Variants in EDN3 observed in about 807,000 individuals in gnomAD.
The protein encoded by EDN3 is endothelin 3.
EDN3 carries 9 observed loss-of-function variants against 21.4 expected under a neutral mutation model. The observed-to-expected ratio is 0.42, with a 90% CI of 0.25 to 0.73. The LOEUF (loss-of-function observed/expected upper bound fraction) is 0.73. EDN3 is among the 30% of genes least tolerant of loss of function. The pLI is 0.26. For synonymous variants in EDN3, 133 were observed against 126.2 expected (o/e 1.05, Z -0.36); for missense variants, 327 against 309.4 (o/e 1.06, Z -0.43).
chr20:59,314,322 G>A (rs1990037410), intron 2 of EDN3, among the ~76,000 whole-genome samples: 2 of 152,200 alleles, frequency 1.3e-5, no homozygotes, highest in Non-Finnish European at 2.9e-5. Flanking sequence ...CCAAGAGTCT[G>A]TGGTTGCCAT....
intron 4 of EDN3, chr20:59,323,646 G>C: frequency 2.5e-6 from 1 of 400,102 alleles, no homozygotes; most frequent in Non-Finnish European, 4.4e-6. Flanking sequence ...GGGTTGACGT[G>C]GCCTCATCTT....
rs1242197432 is a variant in EDN3 at position 59,301,636 on chromosome 20, A to G, written c.279A>G (p.Arg93=). ...CCGAGGGGGCCCCTGAGCACCACCG[A>G]TCCAGGCGCTGCACGTGCTTCACCT... ...QAAEGAPEHH[R]SRRCTCFTYK... The change falls in exon 2 of 5, where the codon CGA becomes CGG. Residue 93 remains arginine, a synonymous_variant. Coordinates refer to ENST00000337938, the MANE Select transcript of EDN3 (RefSeq NM_207034.3). 4 of 1,614,032 alleles carry G rather than the reference A, an allele frequency of 2.5e-6. No homozygotes were observed. The highest frequency in any genetic ancestry group is 3.4e-6 in the Non-Finnish European group (4 of 1,180,008).
intron 2 of EDN3, among the ~76,000 whole-genome samples, chr20:59,317,002 A>G (rs1015709411): frequency 1.3e-5 from 2 of 152,198 alleles, no homozygotes; most frequent in Non-Finnish European, 2.9e-5. Flanking sequence ...TGTATAAAGG[A>G]TTGTATTCTG....
intron 2 of EDN3, 82 bp from the exon 3 acceptor site, chr20:59,320,935 G>A (rs2146878883): frequency 1.4e-6 from 2 of 1,477,700 alleles, no homozygotes; most frequent in South Asian, 2.3e-5. Context: ...CAGCCAGGCG[G>A]TGGTTCTCGC....
intron 2 of EDN3, among the ~76,000 whole-genome samples, chr20:59,307,976 T>G (rs924481357): frequency 6.6e-6 from 1 of 152,200 alleles, no homozygotes; most frequent in Admixed American, 6.5e-5. Flanking sequence ...TTTGCAAGAT[T>G]ATTTTTATTA....
intron 2 of EDN3, among the ~76,000 whole-genome samples, chr20:59,314,144 T>C (rs1317980153): frequency 6.6e-6 from 1 of 152,162 alleles, no homozygotes; most frequent in Non-Finnish European, 1.5e-5. Context: ...CTTCCACCTG[T>C]GGAGGACAGA....
At chr20:59,310,574 C>G (rs1001757815) in intron 2 of EDN3, among the ~76,000 whole-genome samples, 1 of 152,068 alleles carries the variant, frequency 6.6e-6, no homozygotes. Flanking sequence ...TTTGGGAGAC[C>G]TTGGGGACAT....
At chr20:59,315,774 A>G (rs1990132906) in intron 2 of EDN3, among the ~76,000 whole-genome samples, 1 of 152,118 alleles carries the variant, frequency 6.6e-6, no homozygotes, top group Non-Finnish European at 1.5e-5. Flanking sequence ...GGCAGAATGG[A>G]GGGTTTACGC....
rs1438855224 is a variant in EDN3 at position 59,301,396 on chromosome 20, TCTGC to T, written c.53-11_53-8del. 2 of 1,606,468 alleles carry T rather than the reference TCTGC, an allele frequency of 1.2e-6. No homozygotes were observed. Among genetic ancestry groups the T allele is most frequent in the Non-Finnish European group, 1.7e-6 (2 of 1,179,962 alleles). ...CACACTCAGCTTAGGAGCCCCTCAA[TCTGC>T]CTTCTGCAGGATTCGTGCCTTGCTC... On this transcript the variant is annotated splice_polypyrimidine_tract_variant and intron_variant, in intron 1 of 4. Coordinates refer to ENST00000337938, the MANE Select transcript of EDN3 (RefSeq NM_207034.3).
At chr20:59,324,282 C>T in intron 4 of EDN3, 49 bp from the exon 5 acceptor site, 1 of 1,613,178 alleles carries the variant, frequency 6.2e-7, no homozygotes, top group East Asian at 2.2e-5. Context: ...GCTACACTTT[C>T]ATAACATACC....
chr20:59,316,301 T>C (rs2146861319), intron 2 of EDN3, among the ~76,000 whole-genome samples: 1 of 152,378 alleles, frequency 6.6e-6, no homozygotes, highest in Admixed American at 6.5e-5. Context: ...CCGCCCCTTG[T>C]CTGTCTTTAC....
At position 59,312,169 on chromosome 20, in the gene EDN3, G is replaced by T. The variant is rs907701458; in HGVS notation, c.366-8848G>T. 2.7e-4 allele frequency among the ~76,000 whole-genome samples: 41 copies of T among 152,188 alleles called. 1 individual carries two copies. The highest frequency in any genetic ancestry group is 9.9e-4 in the African/African-American group (41 of 41,522). On this transcript the variant is annotated intron_variant, in intron 2 of 4. Coordinates refer to ENST00000337938, the MANE Select transcript of EDN3 (RefSeq NM_207034.3). ...CAGCTTTGCATAAAGTTATAATGAG[G>T]CTGGGCCAGGCAGCCATGGATTTCT...
intron 2 of EDN3, among the ~76,000 whole-genome samples, chr20:59,320,392 C>T (rs7351298): frequency 2.0e-4 from 30 of 152,232 alleles, no homozygotes; most frequent in Admixed American, 1.8e-3. Context: ...CCTCAGGCTG[C>T]GGGGTAGGCA....
At chr20:59,306,078 C>G (rs1174412125) in intron 2 of EDN3, among the ~76,000 whole-genome samples, 1 of 152,104 alleles carries the variant, frequency 6.6e-6, no homozygotes, top group Non-Finnish European at 1.5e-5. Context: ...GCAAAGAGCC[C>G]CACTGTGCTC....
intron 2 of EDN3, among the ~76,000 whole-genome samples, chr20:59,310,728 A>C (rs1318447547): frequency 3.9e-5 from 6 of 152,180 alleles, no homozygotes; most frequent in Non-Finnish European, 7.3e-5. Context: ...AACCAGAAAC[A>C]GCTTCATTTC....
Position 59,300,652 on chromosome 20 carries a change from G to C in EDN3, c.-161G>C. 1.5e-6 allele frequency: 1 copy of C among 680,468 alleles called. No individual in the cohort carries two copies. Among genetic ancestry groups the C allele is most frequent in the East Asian group, 2.8e-5 (1 of 36,210 alleles). The allele number at this position is 680,468 out of a possible 1,614,324, so 42.2% of individuals were successfully genotyped here. On this transcript the variant is annotated 5_prime_UTR_variant, in exon 1 of 5. Transcript: ENST00000337938. ...CGCGCTCTGAAAGTTTATGACCGCC[G>C]CAGCCAACTCCTGGCCGGAGCTGGA...
rs532453805 is a variant in EDN3, at chr20:59,301,414, C to T, written c.57C>T (p.Phe19=). Residue 19 remains phenylalanine (F), a synonymous_variant, in exon 2 of 5, where the codon TTC becomes TTT. Coordinates refer to ENST00000337938, the MANE Select transcript of EDN3 (RefSeq NM_207034.3). ...CCCTCAATCTGCCTTCTGCAGGATT[C>T]GTGCCTTGCTCCCAGTCTGGGGATG... ...FGLTVTSAAG[F]VPCSQSGDAG... 8.7e-6 allele frequency: 14 copies of T among 1,610,122 alleles called. No homozygotes were observed. The highest frequency in any genetic ancestry group is 2.7e-5 in the African/African-American group (2 of 75,048).
intron 4 of EDN3, among the ~76,000 whole-genome samples, chr20:59,323,876 G>A (rs867076271): frequency 1.3e-5 from 2 of 152,332 alleles, no homozygotes; most frequent in South Asian, 4.1e-4. Flanking sequence ...TGGTGGTGCA[G>A]ATGTCCCAGC....
At chr20:59,306,587 A>G (rs1375557873) in intron 2 of EDN3, among the ~76,000 whole-genome samples, 1 of 141,554 alleles carries the variant, frequency 7.1e-6, no homozygotes, top group South Asian at 2.6e-4. Context: ...CCCTAAATGC[A>G]TAAAGAGTAA....
Sources: allele counts gnomAD v4.1 joint callset (sites outside exome capture counted in the v4.1 genomes callset), GRCh38; gene constraint gnomAD v4.1.1; transcripts MANE v1.5; gene names NCBI Gene and HGNC (gene_info 2026-07-23, HGNC 2026-07-21).